CFH: variants seen among roughly 807,000 people sequenced by gnomAD.
CFH encodes H factor 1 (complement).
Under a neutral mutation model 147.3 loss-of-function variants are expected in CFH, and 53 were observed. The ratio of observed to expected loss-of-function variants is 0.36; its 90% CI spans 0.29 to 0.45. The LOEUF is 0.45. Ranked by LOEUF, CFH falls within the 20% of genes least tolerant of loss-of-function variation. The pLI is 1.00. For missense variants in CFH, 1,380 were observed against 1,498.0 expected, an observed-to-expected ratio of 0.92 and a Z score of 1.30; for synonymous variants, 536 against 489.4, an observed-to-expected ratio of 1.10 and a Z score of -1.26.
intron 11 of CFH, among the ~76,000 whole-genome samples, chr1:196,719,185 A>G (rs1668940956): frequency 6.6e-6 from 1 of 152,020 alleles, no homozygotes; most frequent in South Asian, 2.1e-4. Context: ...GTCCATTCAC[A>G]TTCTTCTCTA....
intron 1 of CFH, among the ~76,000 whole-genome samples, chr1:196,654,828 C>T (rs1368249417): frequency 1.3e-5 from 2 of 152,076 alleles, no homozygotes; most frequent in Non-Finnish European, 2.9e-5. Flanking sequence ...GATTCCATTA[C>T]AGTCAGAGAA....
intron 11 of CFH, 57 bp downstream of exon 11, chr1:196,715,826 A>G: frequency 6.8e-7 from 1 of 1,461,470 alleles, no homozygotes; most frequent in South Asian, 1.2e-5. Flanking sequence ...CTGTTTTCCA[A>G]TTTTAAAAAT....
intron 10 of CFH, among the ~76,000 whole-genome samples, chr1:196,715,064 T>A (rs1467484957): frequency 1.3e-5 from 2 of 151,984 alleles, no homozygotes; most frequent in African/African-American, 4.8e-5. Flanking sequence ...TGAGGTCTAG[T>A]TTACAAAAAA....
At chr1:196,670,913 G>A (rs1008393490) in intron 1 of CFH, among the ~76,000 whole-genome samples, 3 of 151,932 alleles carry the variant, frequency 2.0e-5, no homozygotes, top group African/African-American at 7.2e-5. Flanking sequence ...TCTATTGTTA[G>A]AATTCCAATT....
rs1443860247 is a variant in CFH at position 196,736,809 on chromosome 1, T to G, written c.2414-15T>G. The G allele has an allele frequency of 8.0e-6, 10 of 1,244,878 alleles. No individual in the cohort carries two copies. The highest frequency in any genetic ancestry group is 1.0e-5 in the Non-Finnish European group (10 of 961,720). The allele number at this position is 1,244,878 out of a possible 1,614,324, so 77.1% of individuals were successfully genotyped here. The stretch of plus-strand genomic sequence containing the variant: ...TTTTTATTATAACATTAATTATATT[T>G]TTAATATTTTTTAGTGGCACAAATA... On this transcript the variant is annotated splice_polypyrimidine_tract_variant and intron_variant, in intron 15 of 21. Transcript: ENST00000367429.
intron 5 of CFH, chr1:196,678,793 A>T (rs1667544287): frequency 6.6e-6 from 1 of 152,062 alleles, no homozygotes; most frequent in African/African-American, 2.4e-5. Context: ...GGCTTTAAGG[A>T]GCATGAAGCA....
chr1:196,734,429 C>T (rs551892741), intron 15 of CFH, among the ~76,000 whole-genome samples: 1 of 152,010 alleles, frequency 6.6e-6, no homozygotes, highest in East Asian at 1.9e-4. Flanking sequence ...TTGCAGGTAT[C>T]GTTAAGTGCT....
Position 196,729,455 on chromosome 1 carries a change from T to C in CFH, c.2413+933T>C, listed in dbSNP as rs532579968. Among the ~76,000 whole-genome samples the C allele has an allele frequency of 2.6e-5, 4 of 152,122 alleles. No individual in the cohort carries two copies. In the South Asian group the frequency reaches 8.3e-4, roughly 31 times the overall value. ...TTGGATTAAACCCATTTGATCATAG[T>C]GAATGATCTTTTTAATGTGCTGTAG... On this transcript the variant is annotated intron_variant, in intron 15 of 21. Transcript: ENST00000367429.
Position 196,677,493 on chromosome 1 carries a change from G to A in CFH, c.445G>A (p.Val149Met). The change falls in exon 5 of 22, where the codon GTG becomes ATG. Residue 149 changes from valine to methionine, a missense_variant. Val to Met is a conservative substitution (Grantham distance 21). This residue lies in a region of CFH where 260 missense variants were observed against 263.3 expected (regional missense o/e 0.99). Transcript: ENST00000367429. ...TTCTTCAGTTGTGAAGTGTTTACCA[G>A]TGACAGCACCAGAGAATGGAAAAAT... ...PICEVVKCLP[V>M]TAPENGKIVS... 2 of 1,613,004 alleles carry A rather than the reference G, an allele frequency of 1.2e-6. No homozygotes were observed. The highest frequency in any genetic ancestry group is 1.7e-6 in the Non-Finnish European group (2 of 1,179,282).
At chr1:196,742,291 G>A (rs868181029) in intron 19 of CFH, among the ~76,000 whole-genome samples, 1 of 152,120 alleles carries the variant, frequency 6.6e-6, no homozygotes, top group Non-Finnish European at 1.5e-5. Context: ...CAGGAGAATC[G>A]CTTGAACCAG....
chr1:196,714,635 GTATATATATATA>G (rs1176351357), intron 10 of CFH, among the ~76,000 whole-genome samples: 428 of 24,914 alleles, frequency 0.017, 22 homozygotes, highest in African/African-American at 0.059. Flanking sequence ...ACGTATATAT[GTATATATATATA>G]TATATATATA....
At chr1:196,740,482 C>T in intron 17 of CFH, 137 bp from the exon 18 acceptor site, 1 of 850,714 alleles carries the variant, frequency 1.2e-6, no homozygotes, top group East Asian at 2.7e-5. Context: ...TTTTAGGAAA[C>T]ATTTGTGTTA....
chr1:196,655,263 G>A (rs1666648517), intron 1 of CFH, among the ~76,000 whole-genome samples: 1 of 152,138 alleles, frequency 6.6e-6, no homozygotes, highest in Non-Finnish European at 1.5e-5. Flanking sequence ...GGTTTTCCCA[G>A]GTAGGACAGA....
chr1:196,732,988 C>T (rs1669314607), intron 15 of CFH, among the ~76,000 whole-genome samples: 1 of 151,928 alleles, frequency 6.6e-6, no homozygotes, highest in African/African-American at 2.4e-5. Flanking sequence ...TTTTTGTATT[C>T]TGTGATGTAG....
At chr1:196,707,717 A>T (rs1325475570) in intron 9 of CFH, among the ~76,000 whole-genome samples, 1 of 152,226 alleles carries the variant, frequency 6.6e-6, no homozygotes, top group East Asian at 1.9e-4. Context: ...TGGATAAGTA[A>T]ATCTTTGATG....
In CFH at chr1:196,746,986, T is replaced by C. The variant is rs536564; in HGVS notation, c.3494-125T>C. ...AATCAATATGATGTTTCTACATAGT[T>C]GGTTTGGATAGTGTTTTGAGAAATA... On this transcript the variant is annotated intron_variant, in intron 21 of 21. Coordinates refer to ENST00000367429, the MANE Select transcript of CFH (RefSeq NM_000186.4). 13,580 of 1,489,806 alleles carry C rather than the reference T, an allele frequency of 9.1e-3. 1,081 individuals carry two copies. In the African/African-American group the frequency reaches 0.17, roughly 18 times the overall value. 92.3% of individuals were successfully genotyped at this position (1,489,806 alleles called of 1,614,324 possible). A position where few individuals can be genotyped will look rare whatever the true frequency, so the allele number is the denominator to read the frequency against.
chr1:196,678,039 T>C (rs1667516764), intron 5 of CFH: 1 of 251,002 alleles, frequency 4.0e-6, no homozygotes, highest in African/African-American at 2.2e-5. Context: ...TGAAAGAGAA[T>C]GCTAAGTATT....
intron 3 of CFH, among the ~76,000 whole-genome samples, chr1:196,674,283 A>G (rs1250364265): frequency 6.6e-6 from 1 of 152,184 alleles, no homozygotes; most frequent in Non-Finnish European, 1.5e-5. Context: ...TGGGAGTTCA[A>G]TGTGTCAGGA....
chr1:196,657,371 A>G (rs1666738291), intron 1 of CFH, among the ~76,000 whole-genome samples: 1 of 152,166 alleles, frequency 6.6e-6, no homozygotes, highest in Admixed American at 6.5e-5. Context: ...TTGACCCTTG[A>G]CCAATATGTG....
Sources: gnomAD v4.1 joint callset for allele counts (sites outside exome capture counted in the v4.1 genomes callset) on GRCh38, gnomAD v4.1.1 for gene constraint, gnomAD v4.1.1 regional missense constraint, MANE v1.5 for transcripts, NCBI Gene and HGNC (gene_info 2026-07-23, HGNC 2026-07-21) for gene names.